Variants in LEPR observed in about 807,000 individuals in gnomAD.
The protein encoded by LEPR is OB receptor.
A neutral mutation model predicts 114.7 loss-of-function variants in LEPR; 56 were observed. The ratio of observed to expected loss-of-function variants is 0.49; its 90% CI spans 0.39 to 0.61. The LOEUF is 0.61. Ranked by LOEUF, LEPR falls within the 20% of genes least tolerant of loss-of-function variation. The pLI is 0.00. For missense variants in LEPR, 1,202 were observed against 1,352.9 expected, an observed-to-expected ratio of 0.89 and a Z score of 1.75; for synonymous variants, 443 against 461.4, an observed-to-expected ratio of 0.96 and a Z score of 0.51.
At chr1:65,603,818 G>A (rs973955538) in intron 10 of LEPR, among the ~76,000 whole-genome samples, 19 of 151,842 alleles carry the variant, frequency 1.3e-4, no homozygotes, top group African/African-American at 4.6e-4. Flanking sequence ...TGCTTTATGG[G>A]TTCTGAGGTG....
At chr1:65,579,240 T>C (rs1426927110) in intron 5 of LEPR, among the ~76,000 whole-genome samples, 1 of 152,198 alleles carries the variant, frequency 6.6e-6, no homozygotes, top group Non-Finnish European at 1.5e-5. Context: ...CTGAGAAGCC[T>C]GGCTGGGGTT....
chr1:65,423,385 C>A (rs867123756), intron 1 of LEPR, among the ~76,000 whole-genome samples: 1 of 151,886 alleles, frequency 6.6e-6, no homozygotes, highest in South Asian at 2.1e-4. Flanking sequence ...AAAAAAAAGA[C>A]CAAAAAGAAT....
chr1:65,518,925 C>CTTTCTTTCTCTT (rs768551999), intron 2 of LEPR, among the ~76,000 whole-genome samples: 3 of 124,890 alleles, frequency 2.4e-5, no homozygotes, highest in African/African-American at 9.2e-5. Context: ...TTCTCTCTTT[C>CTTTCTTTCTCTT]TCTGTTTCTT....
chr1:65,631,907 T>C (rs752052958), intron 19 of LEPR, among the ~76,000 whole-genome samples: 1 of 152,186 alleles, frequency 6.6e-6, no homozygotes, highest in African/African-American at 2.4e-5. Flanking sequence ...TTTAATTCAT[T>C]TTCAATTTGT....
chr1:65,447,778 G>A (rs1646732436), intron 2 of LEPR, among the ~76,000 whole-genome samples: 1 of 151,946 alleles, frequency 6.6e-6, no homozygotes, highest in African/African-American at 2.4e-5. Flanking sequence ...GGCCCCAAGT[G>A]ATTTCATTCA....
At chr1:65,556,110 A>C (rs1035729527) in intron 2 of LEPR, among the ~76,000 whole-genome samples, 3 of 152,170 alleles carry the variant, frequency 2.0e-5, no homozygotes, top group African/African-American at 7.2e-5. Flanking sequence ...TAGTGCCCTT[A>C]TAAAAGAGGC....
At chr1:65,623,931 T>C (rs549251992) in intron 19 of LEPR, among the ~76,000 whole-genome samples, 2 of 152,306 alleles carry the variant, frequency 1.3e-5, no homozygotes, top group African/African-American at 4.8e-5. Flanking sequence ...GATCTTGCTC[T>C]AGGCCCTTCT....
intron 2 of LEPR, among the ~76,000 whole-genome samples, chr1:65,503,780 A>G (rs949765915): frequency 2.1e-5 from 3 of 144,010 alleles, no homozygotes; most frequent in African/African-American, 7.7e-5. Flanking sequence ...AGATACGTAT[A>G]TATACTGAAG....
Position 65,598,581 on chromosome 1 carries a change from T to C in LEPR, c.850-79T>C. On this transcript the variant is annotated intron_variant, in intron 7 of 19. Coordinates refer to ENST00000349533, the MANE Select transcript of LEPR (RefSeq NM_002303.6). ...AAGATATTAATTCTTTGAAATTTGA[T>C]GAGATTAGCTTATCCTCACTTTTAG... 4 of 1,581,386 alleles carry C rather than the reference T, an allele frequency of 2.5e-6. No individual in the cohort carries two copies. In the East Asian group the frequency reaches 9.2e-5, roughly 36 times the overall value.
intron 5 of LEPR, chr1:65,578,263 C>A: frequency 9.1e-6 from 2 of 219,818 alleles, no homozygotes; most frequent in South Asian, 7.7e-5. Context: ...TGGATGAGCA[C>A]ATTCTTAAGT....
At chr1:65,480,351 C>G (rs1003532441) in intron 2 of LEPR, among the ~76,000 whole-genome samples, 1 of 152,002 alleles carries the variant, frequency 6.6e-6, no homozygotes, top group Admixed American at 6.6e-5. Context: ...GTCTGGCATC[C>G]TCAGAAAAGT....
intron 2 of LEPR, among the ~76,000 whole-genome samples, chr1:65,454,680 G>T (rs1375263027): frequency 4.6e-5 from 7 of 152,060 alleles, no homozygotes; most frequent in Non-Finnish European, 1.0e-4. Context: ...TTCCCTTTGT[G>T]GGTAACCCAA....
intron 2 of LEPR, among the ~76,000 whole-genome samples, chr1:65,519,171 TC>T (rs1649506202): frequency 6.7e-6 from 1 of 148,552 alleles, no homozygotes; most frequent in South Asian, 2.2e-4. Flanking sequence ...CTTCCTTCCT[TC>T]CGGGTCTCAT....
At chr1:65,506,871 T>C (rs1435493323) in intron 2 of LEPR, among the ~76,000 whole-genome samples, 2 of 152,154 alleles carry the variant, frequency 1.3e-5, no homozygotes, top group African/African-American at 4.8e-5. Context: ...TGCTGTCCAA[T>C]AGAACACCAG....
At chr1:65,635,301 T>C (rs1658679324) in intron 19 of LEPR, 5 of 982,034 alleles carry the variant, frequency 5.1e-6, no homozygotes, top group Non-Finnish European at 6.0e-6. Flanking sequence ...TTTTTTATTT[T>C]GCATTTGTTT....
chr1:65,577,920 A>G (rs1025155565), intron 5 of LEPR: 1 of 151,026 alleles, frequency 6.6e-6, no homozygotes, highest in Admixed American at 6.6e-5. Context: ...TCAACCCGTC[A>G]TCTACATTAG....
chr1:65,433,568 G>A (rs1646517687), intron 2 of LEPR: 1 of 985,284 alleles, frequency 1.0e-6, no homozygotes. Flanking sequence ...TAGCAGGTAT[G>A]ATGCTGGGAC....
chr1:65,601,450 C>T lies in LEPR; in HGVS notation c.1053C>T (p.His351=). The change falls in exon 9 of 20, where the codon CAC becomes CAT. Residue 351 remains histidine, a synonymous_variant. Coordinates refer to ENST00000349533, the MANE Select transcript of LEPR (RefSeq NM_002303.6). ...LTSVGSNVSF[H]CIYKKENKIV... ...GTGTTGGGTCTAATGTTTCTTTTCA[C>T]TGCATCTATAAGAAGGAAAACAAGA... 6.2e-7 allele frequency: 1 copy of T among 1,613,604 alleles called. No homozygotes were observed. The highest frequency in any genetic ancestry group is 8.5e-7 in the Non-Finnish European group (1 of 1,179,658).
rs3790431 is a variant in LEPR, at chr1:65,570,345, A to G, written c.41-128A>G. On this transcript the variant is annotated intron_variant, in intron 3 of 19. Coordinates refer to ENST00000349533, the MANE Select transcript of LEPR (RefSeq NM_002303.6). ...ATGGAAGCACAAAGTTATTCATTAG[A>G]CACTCACTGAGGACTTAGAAAGTTA... The G allele has an allele frequency of 0.22, 177,180 of 817,680 alleles. 20,383 individuals carry two copies. The highest frequency in any genetic ancestry group is 0.29 in the South Asian group (15,990 of 54,504). The allele number at this position is 817,680 out of a possible 1,614,324, so 50.7% of individuals were successfully genotyped here.
Sources: allele counts gnomAD v4.1 joint callset (sites outside exome capture counted in the v4.1 genomes callset), GRCh38; gene constraint gnomAD v4.1.1; transcripts MANE v1.5; gene names NCBI Gene and HGNC (gene_info 2026-07-23, HGNC 2026-07-21).